Variants in LRRC9 observed in about 807,000 individuals in gnomAD.
The protein encoded by LRRC9 is leucine-rich repeat-containing protein 9.
A neutral mutation model predicts 63.2 loss-of-function variants in LRRC9; 122 were observed. The ratio of observed to expected loss-of-function variants is 1.93; its 90% CI spans 1.67 to 2.24. The LOEUF is 2.24. Among genes scored for constraint, LRRC9 ranks in the 30% most tolerant of loss-of-function variants. The probability of loss-of-function intolerance (pLI) is 0.00; values close to 1 mark genes in which losing one functional copy is unlikely to be tolerated. For synonymous variants in LRRC9, 366 were observed against 213.1 expected (o/e 1.72, Z -6.25); for missense variants, 1,071 against 627.7 (o/e 1.71, Z -7.55).
intron 29 of LRRC9, among the ~76,000 whole-genome samples, chr14:60,034,205 G>A (rs565937927): frequency 1.3e-4 from 20 of 151,530 alleles, no homozygotes; most frequent in African/African-American, 4.6e-4. Flanking sequence ...TTTTAGTAGA[G>A]ACAGAGTTTC....
exon 32 of LRRC9, chr14:60,063,444 A>C: frequency 4.3e-6 from 1 of 233,024 alleles, no homozygotes; most frequent in East Asian, 1.1e-4. Flanking sequence ...TGGTCAGTTA[A>C]AAAAAAAAAA....
At chr14:60,043,215 A>C (rs1326051628) in intron 29 of LRRC9, among the ~76,000 whole-genome samples, 3 of 152,178 alleles carry the variant, frequency 2.0e-5, no homozygotes, top group Non-Finnish European at 4.4e-5. Flanking sequence ...GGGTTTTTCT[A>C]AGCATAGGAT....
chr14:59,927,879 T>C lies in LRRC9; in HGVS notation c.-33-32T>C. On this transcript the variant is annotated intron_variant, in intron 1 of 31. Coordinates refer to ENST00000445360, the Ensembl canonical transcript of LRRC9. This position sits in a 1 kb window ranked among gnomAD's most constrained non-coding sequence, Gnocchi z 4.4. ...CAACTTGGAATGACAATGACTTTAA[T>C]ATTTATTTCATTTTTTCATTTTCCT... 1.6e-6 allele frequency: 1 copy of C among 629,418 alleles called. No homozygotes were observed. Among genetic ancestry groups the C allele is most frequent in the Non-Finnish European group, 2.8e-6 (1 of 355,618 alleles). 39.0% of individuals were successfully genotyped at this position (629,418 alleles called of 1,614,324 possible).
exon 15 of LRRC9, chr14:59,978,114 A>G: frequency 1.4e-6 from 1 of 702,142 alleles, no homozygotes; most frequent in Non-Finnish European, 2.6e-6. Context: ...ATGTTGTTGA[A>G]TTTGAGTATA....
intron 30 of LRRC9, 127 bp from the exon 31 acceptor site, chr14:60,057,751 T>G (rs1314975567): frequency 2.3e-6 from 1 of 443,042 alleles, no homozygotes; most frequent in African/African-American, 2.0e-5. Context: ...ATTCTGAGTT[T>G]AGGCAAGCAG....
chr14:60,061,128 T>C (rs1000138110), intron 31 of LRRC9, among the ~76,000 whole-genome samples: 2 of 152,218 alleles, frequency 1.3e-5, no homozygotes, highest in Non-Finnish European at 2.9e-5. Flanking sequence ...ACAAAGGATT[T>C]AGAATATTAC....
intron 15 of LRRC9, among the ~76,000 whole-genome samples, chr14:59,981,064 T>C (rs910572444): frequency 2.0e-5 from 3 of 152,174 alleles, no homozygotes; most frequent in African/African-American, 7.2e-5. Flanking sequence ...GTGTTCCAAA[T>C]TGATCCTTCA....
intron 23 of LRRC9, among the ~76,000 whole-genome samples, chr14:60,010,271 C>A (rs1192230676): frequency 6.6e-6 from 1 of 152,208 alleles, no homozygotes; most frequent in Non-Finnish European, 1.5e-5. Context: ...TCCCAAACCT[C>A]AATTCTTGAC....
intron 8 of LRRC9, among the ~76,000 whole-genome samples, chr14:59,959,251 T>A (rs1036633233): frequency 1.3e-5 from 2 of 152,120 alleles, no homozygotes; most frequent in African/African-American, 4.8e-5. Flanking sequence ...TATGATAAAT[T>A]TAAAAACCCC....
chr14:59,974,472 T>A, intron 12 of LRRC9, 104 bp from the exon 13 acceptor site: 1 of 431,802 alleles, frequency 2.3e-6, no homozygotes, highest in Non-Finnish European at 4.1e-6. Flanking sequence ...GGCCTGCAGA[T>A]TTCTTTGCCC....
chr14:60,052,772 T>A (rs992315953), intron 29 of LRRC9, among the ~76,000 whole-genome samples: 2 of 152,234 alleles, frequency 1.3e-5, no homozygotes, highest in African/African-American at 4.8e-5. Context: ...TACTTTTAAG[T>A]GAACTTCCAT....
Position 59,964,449 on chromosome 14 carries a change from T to C in LRRC9, c.1212-2140T>C, listed in dbSNP as rs1361475732. 6.6e-6 allele frequency among the ~76,000 whole-genome samples: 1 copy of C among 152,196 alleles called. No individual in the cohort carries two copies. Among genetic ancestry groups the C allele is most frequent in the Non-Finnish European group, 1.5e-5 (1 of 68,028 alleles). On this transcript the variant is annotated intron_variant, in intron 10 of 31. Coordinates refer to ENST00000445360, the Ensembl canonical transcript of LRRC9. The surrounding 1 kb of genome is among the most constrained non-coding windows in gnomAD (Gnocchi z 4.4). ...ACTTCATCATTGCTCAGCTGCTGAA[T>C]TCCTGGGCAACATAAAATCTCCATG... is the stretch of plus-strand genomic sequence containing the variant.
rs376011212 is a variant in LRRC9 at position 59,958,604 on chromosome 14, G to A, written c.883-1214G>A. 2.6e-5 allele frequency among the ~76,000 whole-genome samples: 4 copies of A among 152,330 alleles called. No homozygotes were observed. Among genetic ancestry groups the A allele is most frequent in the East Asian group, 1.9e-4 (1 of 5,176 alleles). ...GCTGAGCAAGACCACTTGGCTCCCT[G>A]GCTTCAGTCCGCTTTGCAGGGGAGT... On this transcript the variant is annotated intron_variant, in intron 8 of 31. Coordinates refer to ENST00000445360, the Ensembl canonical transcript of LRRC9. The surrounding 1 kb of genome is among the most constrained non-coding windows in gnomAD (Gnocchi z 4.0).
downstream of LRRC9, among the ~76,000 whole-genome samples, chr14:60,064,937 C>A (rs1431831114): frequency 6.6e-6 from 1 of 152,068 alleles, no homozygotes; most frequent in Non-Finnish European, 1.5e-5. Flanking sequence ...GCAGAAAAAA[C>A]ATAACTTACA....
At chr14:60,036,296 C>T (rs1892425915) in intron 29 of LRRC9, among the ~76,000 whole-genome samples, 1 of 152,102 alleles carries the variant, frequency 6.6e-6, no homozygotes, top group African/African-American at 2.4e-5. Flanking sequence ...AATCCTTAGC[C>T]TCAACTCAGG....
chr14:59,981,956 G>C (rs1220133641), exon 16 of LRRC9: 1 of 702,628 alleles, frequency 1.4e-6, no homozygotes, highest in Admixed American at 2.0e-5. Context: ...TGATGATGAA[G>C]TTATAAAAAT....
Position 59,990,586 on chromosome 14 carries a change from C to A in LRRC9, c.2211+5362C>A, listed in dbSNP as rs532902242. Among the ~76,000 whole-genome samples the A allele has an allele frequency of 2.9e-3, 444 of 151,058 alleles. 1 individual carries two copies. The highest frequency in any genetic ancestry group is 4.7e-3 in the Admixed American group (71 of 15,142). ...ACACCCTGCTAATTAAAAAAAAAAA[C>A]AATTTTGTAGAGATGGGGTTTCACT... On this transcript the variant is annotated intron_variant, in intron 17 of 31. Transcript: ENST00000445360. The surrounding 1 kb of genome is among the most constrained non-coding windows in gnomAD (Gnocchi z 4.2).
chr14:59,933,378 A>AT (rs1566784597), intron 6 of LRRC9, among the ~76,000 whole-genome samples: 1 of 152,166 alleles, frequency 6.6e-6, no homozygotes, highest in African/African-American at 2.4e-5. Context: ...AAATCTCAAT[A>AT]AACATTTGTC....
chr14:60,038,320 G>C (rs1892630754), intron 29 of LRRC9, among the ~76,000 whole-genome samples: 2 of 152,172 alleles, frequency 1.3e-5, no homozygotes, highest in South Asian at 4.1e-4. Context: ...TTGGTAGCTT[G>C]ATGGGGATGG....
Sources: gnomAD v4.1 joint callset for allele counts (sites outside exome capture counted in the v4.1 genomes callset) on GRCh38, gnomAD v4.1.1 for gene constraint, Gnocchi (gnomAD v3.1) non-coding constraint, MANE v1.5 for transcripts, NCBI Gene and HGNC (gene_info 2026-07-23, HGNC 2026-07-21) for gene names.